Variants in ETV6 observed in about 807,000 individuals in gnomAD.
ETV6 encodes the protein ETS variant transcription factor 6.
ETV6 carries 16 observed loss-of-function variants against 51.1 expected under a neutral mutation model. That is an observed-to-expected ratio of 0.31 (90% CI 0.21 to 0.48). The LOEUF (loss-of-function observed/expected upper bound fraction) is 0.48. ETV6 is among the 20% of genes least tolerant of loss of function. The pLI is 0.99. For missense variants in ETV6, 458 were observed against 594.8 expected, an observed-to-expected ratio of 0.77 and a Z score of 2.39; for synonymous variants, 240 against 224.1, an observed-to-expected ratio of 1.07 and a Z score of -0.64.
At chr12:11,759,627 A>G (rs764895466) in intron 2 of ETV6, among the ~76,000 whole-genome samples, 1 of 152,040 alleles carries the variant, frequency 6.6e-6, no homozygotes, top group African/African-American at 2.4e-5. Flanking sequence ...TTCCTCTTGG[A>G]TTTTCCCAAC....
At chr12:11,810,203 GT>G (rs552701474) in intron 2 of ETV6, among the ~76,000 whole-genome samples, 23 of 152,128 alleles carry the variant, frequency 1.5e-4, no homozygotes, top group Non-Finnish European at 2.5e-4. Context: ...CCTAATCCCT[GT>G]CGTGTCCTAG....
At chr12:11,858,304 T>TA (rs1193079341) in intron 4 of ETV6, among the ~76,000 whole-genome samples, 1 of 152,190 alleles carries the variant, frequency 6.6e-6, no homozygotes, top group African/African-American at 2.4e-5. Context: ...TAAATGACTA[T>TA]AAAATAAATT....
chr12:11,812,000 CA>C (rs1945920627), intron 2 of ETV6, among the ~76,000 whole-genome samples: 1 of 152,204 alleles, frequency 6.6e-6, no homozygotes, highest in South Asian at 2.1e-4. Flanking sequence ...CATCGCTTTG[CA>C]ATCAGACACA....
In ETV6 at chr12:11,895,244, G is replaced by T; in HGVS notation, c.*4198G>T. The T allele has an allele frequency of 4.3e-6, 1 of 231,318 alleles. No individual in the cohort carries two copies. The allele number at this position is 231,318 out of a possible 1,614,324, so 14.3% of individuals were successfully genotyped here. ...TAGTTTCTAATCTCTTGTTTATGAG[G>T]TGTGGGGTTTATAAGGGACTGAATC... On this transcript the variant is annotated 3_prime_UTR_variant, in exon 8 of 8. Transcript: ENST00000396373.
At chr12:11,707,621 T>G (rs1487101547) in intron 1 of ETV6, among the ~76,000 whole-genome samples, 1 of 152,244 alleles carries the variant, frequency 6.6e-6, no homozygotes, top group Non-Finnish European at 1.5e-5. Context: ...AGAATGATTT[T>G]CTTCTCAATT....
chr12:11,745,135 G>T (rs1418182157), intron 1 of ETV6, among the ~76,000 whole-genome samples: 1 of 152,168 alleles, frequency 6.6e-6, no homozygotes, highest in African/African-American at 2.4e-5. Context: ...TAAAGAAGGG[G>T]ACTGTGGTGT....
intron 1 of ETV6, among the ~76,000 whole-genome samples, chr12:11,746,979 C>T (rs773518548): frequency 3.3e-5 from 5 of 151,954 alleles, no homozygotes; most frequent in Middle Eastern, 3.2e-3. Flanking sequence ...AACAGGAATC[C>T]GAATATCTCA....
intron 5 of ETV6, among the ~76,000 whole-genome samples, chr12:11,881,083 A>G (rs184459220): frequency 3.3e-5 from 5 of 152,114 alleles, no homozygotes; most frequent in African/African-American, 1.2e-4. Context: ...GATTACAGGC[A>G]TGCACCACCA....
chr12:11,796,707 T>G (rs1446822070), intron 2 of ETV6, among the ~76,000 whole-genome samples: 1 of 152,124 alleles, frequency 6.6e-6, no homozygotes, highest in Non-Finnish European at 1.5e-5. Flanking sequence ...CTCTATAAAC[T>G]TTCCTTGTCT....
chr12:11,726,109 C>T (rs1419966394), intron 1 of ETV6, among the ~76,000 whole-genome samples: 2 of 152,138 alleles, frequency 1.3e-5, no homozygotes, highest in African/African-American at 2.4e-5. Context: ...TTATATTTGG[C>T]CTATAGTACA....
At chr12:11,697,018 A>G (rs1157883528) in intron 1 of ETV6, among the ~76,000 whole-genome samples, 1 of 152,204 alleles carries the variant, frequency 6.6e-6, no homozygotes, top group Non-Finnish European at 1.5e-5. Flanking sequence ...TGTAGGTAAT[A>G]CTTCTGTAAA....
Position 11,869,245 on chromosome 12 carries a change from A to AG in ETV6, c.464-179_464-178insG, listed in dbSNP as rs1946838427. 6.6e-6 allele frequency among the ~76,000 whole-genome samples: 1 copy of AG among 151,412 alleles called. No homozygotes were observed. Among genetic ancestry groups the AG allele is most frequent in the Admixed American group, 6.6e-5 (1 of 15,196 alleles). ...AGTGAGACTCCATCTCAAACAGAAA[A>AG]AAAAAAAAAATATGCACCCTTCAAA... On this transcript the variant is annotated intron_variant, in intron 4 of 7. Transcript: ENST00000396373. This position sits in a 1 kb window ranked among gnomAD's most constrained non-coding sequence, Gnocchi z 5.0.
intron 1 of ETV6, among the ~76,000 whole-genome samples, chr12:11,730,175 A>G (rs1024201058): frequency 2.0e-5 from 3 of 152,100 alleles, no homozygotes; most frequent in Admixed American, 2.0e-4. Flanking sequence ...TTCCTCTACA[A>G]TCCTTAAAAA....
Position 11,869,728 on chromosome 12 carries a change from C to T in ETV6, c.768C>T (p.Ser256=). Residue 256 remains serine (S), a synonymous_variant, in exon 5 of 8, where the codon TCC becomes TCT. Coordinates refer to ENST00000396373, the MANE Select transcript of ETV6 (RefSeq NM_001987.5). This position sits in a 1 kb window ranked among gnomAD's most constrained non-coding sequence, Gnocchi z 5.0. The part of the protein sequence containing the change: ...PASSESHPKP[S]SPRQESTRVI... ...CCTCCGAGTCCCACCCGAAGCCATCCAGCCCCCGGCAGGAGAGCACACGCG... is the reference window on the plus strand; with the variant it reads ...CCTCCGAGTCCCACCCGAAGCCATCTAGCCCCCGGCAGGAGAGCACACGCG... 7.4e-6 allele frequency: 12 copies of T among 1,613,934 alleles called. No individual in the cohort carries two copies. The highest frequency in any genetic ancestry group is 1.0e-5 in the Non-Finnish European group (12 of 1,180,030).
chr12:11,885,827 G>T, intron 6 of ETV6, 99 bp from the exon 7 acceptor site: 1 of 840,538 alleles, frequency 1.2e-6, no homozygotes. Flanking sequence ...GGCAGCAGCT[G>T]AAGAGCTTTT....
chr12:11,764,367 G>A (rs1014279054), intron 2 of ETV6, among the ~76,000 whole-genome samples: 5 of 152,184 alleles, frequency 3.3e-5, no homozygotes, highest in African/African-American at 1.2e-4. Flanking sequence ...AGGCCAGGAT[G>A]AGCAGTCTGC....
chr12:11,851,182 A>G (rs952899596), intron 3 of ETV6, among the ~76,000 whole-genome samples: 1 of 151,942 alleles, frequency 6.6e-6, no homozygotes, highest in Non-Finnish European at 1.5e-5. Flanking sequence ...CACAGACACT[A>G]AATTTATATT....
intron 4 of ETV6, 113 bp downstream of exon 4, chr12:11,853,674 A>T (rs1251727071): frequency 8.1e-7 from 1 of 1,231,090 alleles, no homozygotes. Context: ...CATTCAGTAG[A>T]CAATTATTGA....
chr12:11,737,742 A>G (rs1333795160), intron 1 of ETV6, among the ~76,000 whole-genome samples: 3 of 152,160 alleles, frequency 2.0e-5, no homozygotes, highest in Admixed American at 2.0e-4. Flanking sequence ...ATAATGCATC[A>G]TGGTTTGTAT....
Sources: gnomAD v4.1 joint callset for allele counts (sites outside exome capture counted in the v4.1 genomes callset) on GRCh38, gnomAD v4.1.1 for gene constraint, Gnocchi (gnomAD v3.1) non-coding constraint, MANE v1.5 for transcripts, NCBI Gene and HGNC (gene_info 2026-07-23, HGNC 2026-07-21) for gene names.